PLOD2: variants seen among roughly 807,000 people sequenced by gnomAD.
PLOD2 encodes lysine hydroxylase 2.
A neutral mutation model predicts 101.0 loss-of-function variants in PLOD2; 65 were observed. The observed-to-expected ratio is 0.64, with a 90% CI of 0.53 to 0.79. PLOD2 has a LOEUF of 0.79. Among genes scored for constraint, PLOD2 ranks in the 30% least tolerant of loss-of-function variants. PLOD2 has a pLI of 0.00. For missense variants in PLOD2, 909 were observed against 914.6 expected (o/e 0.99, Z 0.08); for synonymous variants, 314 against 302.9 (o/e 1.04, Z -0.38).
chr3:146,160,878 C>T lies in PLOD2; in HGVS notation c.109+3G>A, dbSNP rs1297747703. 2 of 1,551,204 alleles carry T rather than the reference C, an allele frequency of 1.3e-6. No homozygotes were observed. The highest frequency in any genetic ancestry group is 1.8e-6 in the Non-Finnish European group (2 of 1,140,802). On this transcript the variant is annotated splice_donor_region_variant and intron_variant, in intron 1 of 19. Transcript: ENST00000282903. ...GGACAGCGGCGGACCGCGGGGTGCT[C>T]ACCTGTGGGGATGCTCGAGGGCTTC...
Position 146,085,241 on chromosome 3 carries a change from T to C in PLOD2, c.1160A>G (p.Tyr387Cys), listed in dbSNP as rs1335565710. 6.2e-7 allele frequency: 1 copy of C among 1,606,704 alleles called. No individual in the cohort carries two copies. The highest frequency in any genetic ancestry group is 1.1e-5 in the South Asian group (1 of 90,860). Residue 387 changes from tyrosine (Y) to cysteine (C), a missense_variant, in exon 11 of 20, where the codon TAT (tyrosine) becomes TGT (cysteine). By Grantham distance (194) the Tyr-to-Cys change is radical. Coordinates refer to ENST00000282903, the MANE Select transcript of PLOD2 (RefSeq NM_182943.3). ...DFCRQDEKCD[Y>C]YFSVDADVVL... ...AACATCTGCATCCACACTAAAGTAA[T>C]AATCACACTTTTCATCCTGACGGCA...
At chr3:146,137,131 G>A (rs142861308) in intron 1 of PLOD2, among the ~76,000 whole-genome samples, 29 of 152,122 alleles carry the variant, frequency 1.9e-4, no homozygotes, top group African/African-American at 6.5e-4. Context: ...GATGACCTGC[G>A]ATTTTTTAAA....
intron 7 of PLOD2, among the ~76,000 whole-genome samples, chr3:146,099,916 C>G (rs1022453436): frequency 4.4e-5 from 4 of 91,604 alleles, no homozygotes; most frequent in Non-Finnish European, 2.2e-5. Context: ...GAGTTTTGTT[C>G]TTGTTGCCCA....
At chr3:146,125,665 T>C (rs2030518377) in intron 1 of PLOD2, among the ~76,000 whole-genome samples, 1 of 152,034 alleles carries the variant, frequency 6.6e-6, no homozygotes. Context: ...GAGAATCGCT[T>C]GAACTCGGGG....
At chr3:146,142,794 T>G (rs987852645) in intron 1 of PLOD2, among the ~76,000 whole-genome samples, 1 of 152,102 alleles carries the variant, frequency 6.6e-6, no homozygotes, top group Non-Finnish European at 1.5e-5. Context: ...CTGCCTAAGA[T>G]TATAAGAAAG....
intron 1 of PLOD2, among the ~76,000 whole-genome samples, chr3:146,151,955 C>A (rs2032076978): frequency 6.6e-6 from 1 of 152,146 alleles, no homozygotes; most frequent in Non-Finnish European, 1.5e-5. Context: ...ATTTACAATG[C>A]TGTTAGTTAC....
intron 2 of PLOD2, among the ~76,000 whole-genome samples, chr3:146,122,641 T>A (rs1314151798): frequency 6.6e-6 from 1 of 152,130 alleles, no homozygotes; most frequent in African/African-American, 2.4e-5. Context: ...GTCCACACTT[T>A]GGGAACCACT....
intron 1 of PLOD2, among the ~76,000 whole-genome samples, chr3:146,145,233 T>C (rs1323496305): frequency 6.6e-6 from 1 of 152,156 alleles, no homozygotes; most frequent in Non-Finnish European, 1.5e-5. Flanking sequence ...TTTTTAGCTG[T>C]ATCATTTTAA....
At chr3:146,123,363 C>G in intron 2 of PLOD2, 3 of 700,522 alleles carry the variant, frequency 4.3e-6, no homozygotes, top group Non-Finnish European at 5.8e-6. Context: ...AAATGGCAGG[C>G]CTCTCATAGC....
chr3:146,097,368 TG>T (rs1475101189), intron 7 of PLOD2, among the ~76,000 whole-genome samples: 29 of 136,802 alleles, frequency 2.1e-4, no homozygotes, highest in Admixed American at 2.1e-3. Flanking sequence ...GCGGGAAGGG[TG>T]GGGAAAAAAT....
intron 6 of PLOD2, 29 bp downstream of exon 6, chr3:146,104,250 G>T (rs753795437): frequency 1.0e-5 from 14 of 1,391,354 alleles, no homozygotes; most frequent in Non-Finnish European, 1.4e-5. Flanking sequence ...GTTTGTATAC[G>T]TAAGCAATCC....
chr3:146,112,437 G>A (rs547106823), intron 3 of PLOD2, among the ~76,000 whole-genome samples: 13 of 152,104 alleles, frequency 8.5e-5, no homozygotes, highest in Admixed American at 2.6e-4. Flanking sequence ...TCATAAGTGG[G>A]AGCTGAACAA....
chr3:146,153,273 G>C (rs2032150689), intron 1 of PLOD2, among the ~76,000 whole-genome samples: 1 of 152,166 alleles, frequency 6.6e-6, no homozygotes, highest in Non-Finnish European at 1.5e-5. Flanking sequence ...TTTTCAAAAA[G>C]AAATAATTTA....
chr3:146,127,410 A>G (rs781487846), intron 1 of PLOD2, among the ~76,000 whole-genome samples: 23 of 152,100 alleles, frequency 1.5e-4, no homozygotes, highest in Non-Finnish European at 2.5e-4. Flanking sequence ...GCTCCCACTT[A>G]TAAGCGAGAA....
chr3:146,138,217 C>T (rs1229707234), intron 1 of PLOD2, among the ~76,000 whole-genome samples: 1 of 151,990 alleles, frequency 6.6e-6, no homozygotes, highest in East Asian at 1.9e-4. Context: ...TTCACTAATT[C>T]CTTCAATGTT....
intron 1 of PLOD2, among the ~76,000 whole-genome samples, chr3:146,149,437 T>C (rs1392399467): frequency 1.3e-5 from 2 of 152,224 alleles, no homozygotes; most frequent in East Asian, 1.9e-4. Context: ...TTATCTTTTA[T>C]CTCAACATGA....
At chr3:146,091,679 C>G in intron 8 of PLOD2, 121 bp downstream of exon 8, 2 of 675,974 alleles carry the variant, frequency 3.0e-6, no homozygotes, top group South Asian at 1.6e-5. Context: ...AACACTATAT[C>G]CCCATTATCT....
chr3:146,151,025 C>A (rs543831875), intron 1 of PLOD2, among the ~76,000 whole-genome samples: 1 of 152,286 alleles, frequency 6.6e-6, no homozygotes, highest in African/African-American at 2.4e-5. Context: ...AAAGCAACAC[C>A]AAGTCCTGGC....
At chr3:146,153,247 T>A (rs2032149092) in intron 1 of PLOD2, among the ~76,000 whole-genome samples, 1 of 152,220 alleles carries the variant, frequency 6.6e-6, no homozygotes, top group Non-Finnish European at 1.5e-5. Flanking sequence ...ACCAGCAAAC[T>A]GTTAGCTGGT....
Sources: allele counts gnomAD v4.1 joint callset (sites outside exome capture counted in the v4.1 genomes callset), GRCh38; gene constraint gnomAD v4.1.1; transcripts MANE v1.5; gene names NCBI Gene and HGNC (gene_info 2026-07-23, HGNC 2026-07-21).